Variants in SOX13 observed in about 807,000 individuals in gnomAD.
SOX13 encodes transcription factor SOX-13.
SOX13 carries 28 observed loss-of-function variants against 71.8 expected under a neutral mutation model. The ratio of observed to expected loss-of-function variants is 0.39; its 90% CI spans 0.29 to 0.53. SOX13 has a LOEUF of 0.53. Ranked by LOEUF, SOX13 falls within the 20% of genes least tolerant of loss-of-function variation. The pLI, the probability that SOX13 is intolerant of heterozygous loss-of-function variation, is 0.70. For missense variants in SOX13, 627 were observed against 810.3 expected, an observed-to-expected ratio of 0.77 and a Z score of 2.75; for synonymous variants, 309 against 317.8, an observed-to-expected ratio of 0.97 and a Z score of 0.29.
chr1:204,105,125 A>T (rs955782332), intron 1 of SOX13, among the ~76,000 whole-genome samples: 5 of 152,086 alleles, frequency 3.3e-5, no homozygotes, highest in Admixed American at 2.6e-4. Context: ...CCCTCCATGG[A>T]GGCGGGTGCC....
rs1571596410 is a variant in SOX13 at position 204,123,585 on chromosome 1, A to G, written c.1232-76A>G. The G allele has an allele frequency of 6.7e-7, 1 of 1,499,236 alleles. No homozygotes were observed. Among genetic ancestry groups the G allele is most frequent in the South Asian group, 1.2e-5 (1 of 82,870 alleles). The allele number at this position is 1,499,236 out of a possible 1,614,324, so 92.9% of individuals were successfully genotyped here. ...GTGCCTCCTGCTGGTCAAGTAGGGG[A>G]CGTCTCTCTGCTGGCCCTGGGGCAC... is the stretch of plus-strand genomic sequence containing the variant. On this transcript the variant is annotated intron_variant, in intron 11 of 13. Coordinates refer to ENST00000367204, the MANE Select transcript of SOX13 (RefSeq NM_005686.3). The surrounding 1 kb of genome is among the most constrained non-coding windows in gnomAD (Gnocchi z 5.0).
chr1:204,101,202 G>T (rs540568205), intron 1 of SOX13, among the ~76,000 whole-genome samples: 1 of 152,130 alleles, frequency 6.6e-6, no homozygotes, highest in African/African-American at 2.4e-5. Flanking sequence ...CATCTGGATC[G>T]TGGACCCATT....
At position 204,127,599 on chromosome 1, in the gene SOX13, T is replaced by G. The variant is rs2102271824; in HGVS notation, c.*1465T>G. The G allele has an allele frequency of 6.5e-6, 1 of 152,756 alleles. No homozygotes were observed. Among genetic ancestry groups the G allele is most frequent in the Middle Eastern group, 3.4e-3 (1 of 294 alleles). 9.5% of individuals were successfully genotyped at this position (152,756 alleles called of 1,614,324 possible). A position where few individuals can be genotyped will look rare whatever the true frequency, so the allele number is the denominator to read the frequency against. On this transcript the variant is annotated 3_prime_UTR_variant, in exon 14 of 14. Coordinates refer to ENST00000367204, the MANE Select transcript of SOX13 (RefSeq NM_005686.3). The stretch of plus-strand genomic sequence containing the variant: ...CCCCACTTCTCTCCAGGCTGTTTCT[T>G]TTTTTATGACTGTAAACATAGATAG...
Position 204,099,349 on chromosome 1 carries a change from TCTGA to T in SOX13, c.-1-13561_-1-13558del, listed in dbSNP as rs138078051. Among the ~76,000 whole-genome samples the T allele has an allele frequency of 7.0e-3, 1,070 of 152,068 alleles. 15 individuals carry two copies. Among genetic ancestry groups the T allele is most frequent in the African/African-American group, 0.024 (1,010 of 41,482 alleles). ...GCATGTAAGTAGTTGATTCCTATGGTCTGACTGAGAGGTGGATTCTGATGCTAGA... is the reference window on the plus strand; with the variant it reads ...GCATGTAAGTAGTTGATTCCTATGGTCTGAGAGGTGGATTCTGATGCTAGA... On this transcript the variant is annotated intron_variant, in intron 1 of 13. Coordinates refer to ENST00000367204, the MANE Select transcript of SOX13 (RefSeq NM_005686.3).
chr1:204,084,415 C>A (rs1655974733), intron 1 of SOX13, among the ~76,000 whole-genome samples: 1 of 152,202 alleles, frequency 6.6e-6, no homozygotes, highest in Non-Finnish European at 1.5e-5. Flanking sequence ...CTGTCCCTCC[C>A]TACCCTCCTG....
At chr1:204,100,894 G>A (rs1322678081) in intron 1 of SOX13, among the ~76,000 whole-genome samples, 2 of 152,190 alleles carry the variant, frequency 1.3e-5, no homozygotes, top group Admixed American at 6.5e-5. Flanking sequence ...ACGGGAGGCC[G>A]GTGTGCCAGT....
rs189395394 is a variant in SOX13, at chr1:204,108,459, A to T, written c.-1-4456A>T. Reference sequence around the variant, plus strand: ...TCTGCCTCCACCATCAGCTCCAGGGATGGATGGTCGTTCACCATCCCCAAC... The same window carrying T: ...TCTGCCTCCACCATCAGCTCCAGGGTTGGATGGTCGTTCACCATCCCCAAC... On this transcript the variant is annotated intron_variant, in intron 1 of 13. Transcript: ENST00000367204. 4.7e-3 allele frequency among the ~76,000 whole-genome samples: 713 copies of T among 152,326 alleles called. 4 individuals carry two copies. The highest frequency in any genetic ancestry group is 0.016 in the African/African-American group (664 of 41,574).
intron 6 of SOX13, 89 bp downstream of exon 6, chr1:204,117,279 C>T (rs1656714409): frequency 2.5e-6 from 3 of 1,178,124 alleles, no homozygotes; most frequent in African/African-American, 3.0e-5. Context: ...GGGATGTGCA[C>T]CAAGTTAAAG....
intron 1 of SOX13, among the ~76,000 whole-genome samples, chr1:204,111,200 A>T (rs901596666): frequency 1.3e-5 from 2 of 152,262 alleles, no homozygotes; most frequent in Non-Finnish European, 2.9e-5. Context: ...TGGTGCCACA[A>T]ACTATTCTAA....
chr1:204,109,830 C>T (rs1656542265), intron 1 of SOX13, among the ~76,000 whole-genome samples: 1 of 151,712 alleles, frequency 6.6e-6, no homozygotes, highest in Non-Finnish European at 1.5e-5. Context: ...TTATTATTAT[C>T]ATTATTATTA....
At chr1:204,092,079 G>T (rs550645344) in intron 1 of SOX13, among the ~76,000 whole-genome samples, 10 of 151,612 alleles carry the variant, frequency 6.6e-5, no homozygotes, top group Admixed American at 4.6e-4. Flanking sequence ...GTAGGGTCTT[G>T]CTCTGTTGCC....
chr1:204,115,985 C>CAT (rs1656684597), intron 4 of SOX13: 1 of 308,340 alleles, frequency 3.2e-6, no homozygotes, highest in African/African-American at 2.2e-5. Flanking sequence ...TCATTTATCC[C>CAT]TCATAGTAAC....
chr1:204,117,402 G>C (rs1656716604), intron 6 of SOX13, among the ~76,000 whole-genome samples, 191 bp from the exon 7 acceptor site: 1 of 151,390 alleles, frequency 6.6e-6, no homozygotes, highest in African/African-American at 2.5e-5. Context: ...TTCCTCCCCA[G>C]CTGAGACCTG....
At chr1:204,115,508 A>AC (rs1656672300) in intron 4 of SOX13, among the ~76,000 whole-genome samples, 1 of 149,298 alleles carries the variant, frequency 6.7e-6, no homozygotes, top group African/African-American at 2.5e-5. Context: ...AAAAAAAAAA[A>AC]AAAAAGGTCT....
chr1:204,103,158 A>G (rs1027181033), intron 1 of SOX13, among the ~76,000 whole-genome samples: 5 of 152,312 alleles, frequency 3.3e-5, no homozygotes, highest in East Asian at 1.9e-4. Flanking sequence ...TGGAATCTCT[A>G]TTTTACACAT....
chr1:204,077,971 C>T (rs532148353), intron 1 of SOX13, among the ~76,000 whole-genome samples: 3 of 152,216 alleles, frequency 2.0e-5, no homozygotes, highest in East Asian at 3.9e-4. Context: ...GCCACCACAC[C>T]TGGCTAATTT....
chr1:204,092,183 C>T (rs1656160274), intron 1 of SOX13, among the ~76,000 whole-genome samples: 1 of 151,214 alleles, frequency 6.6e-6, no homozygotes, highest in South Asian at 2.1e-4. Flanking sequence ...TGTGCTACTA[C>T]ACATGGCTAA....
chr1:204,074,366 A>C (rs922428923), intron 1 of SOX13: 34 of 18,574 alleles, frequency 1.8e-3, no homozygotes, highest in South Asian at 5.2e-3. Context: ...TGCTACCCCC[A>C]CCTCCCGCCC....
At chr1:204,079,450 A>G (rs1015705925) in intron 1 of SOX13, among the ~76,000 whole-genome samples, 4 of 149,960 alleles carry the variant, frequency 2.7e-5, no homozygotes, top group African/African-American at 9.8e-5. Flanking sequence ...GATTCAAACA[A>G]TTCTCCTGCC....
Sources: allele counts gnomAD v4.1 joint callset (sites outside exome capture counted in the v4.1 genomes callset), GRCh38; gene constraint gnomAD v4.1.1; non-coding constraint Gnocchi (gnomAD v3.1); transcripts MANE v1.5; gene names NCBI Gene and HGNC (gene_info 2026-07-23, HGNC 2026-07-21).